GPRC6A: variants seen among roughly 807,000 people sequenced by gnomAD.
GPRC6A encodes the protein G protein-coupled receptor family C group 6 member A.
A neutral mutation model predicts 47.0 loss-of-function variants in GPRC6A; 54 were observed. The observed-to-expected ratio is 1.15, with a 90% CI of 0.92 to 1.44. The LOEUF is 1.44. Ranked by LOEUF, GPRC6A falls within the 40% of genes most tolerant of loss-of-function variation. The probability of loss-of-function intolerance (pLI) is 0.00; values close to 1 mark genes in which losing one functional copy is unlikely to be tolerated. For synonymous variants in GPRC6A, 347 were observed against 377.1 expected, an observed-to-expected ratio of 0.92 and a Z score of 0.93; for missense variants, 1,112 against 1,105.5, an observed-to-expected ratio of 1.01 and a Z score of -0.08.
intron 1 of GPRC6A, among the ~76,000 whole-genome samples, chr6:116,816,361 A>T (rs1313881584): frequency 1.3e-5 from 2 of 152,234 alleles, no homozygotes; most frequent in East Asian, 3.8e-4. Context: ...GGCCCATGTA[A>T]ATCCCAAACC....
chr6:116,806,939 C>G lies in GPRC6A; in HGVS notation c.766G>C (p.Val256Leu), dbSNP rs1476675206. The change falls in exon 3 of 6, where the codon GTC becomes CTC. Residue 256 changes from valine to leucine, a missense_variant. Transcript: ENST00000310357. ...TTCTTCAGTGTCCGATTGATTCTGA[C>G]TTCAATGGTATTATCTGAAAGAAAG... Reference protein sequence around the residue: ...PAFLSDNTIEVRINRTLKKII... With the variant: ...PAFLSDNTIELRINRTLKKII... The G allele has an allele frequency of 7.4e-6, 12 of 1,613,468 alleles. No homozygotes were observed. Among genetic ancestry groups the G allele is most frequent in the Non-Finnish European group, 1.0e-5 (12 of 1,179,722 alleles).
At chr6:116,803,253 C>T (rs1772732844) in intron 3 of GPRC6A, among the ~76,000 whole-genome samples, 1 of 152,054 alleles carries the variant, frequency 6.6e-6, no homozygotes, top group African/African-American at 2.4e-5. Flanking sequence ...TCCTTATTTT[C>T]ATACCTGTAG....
chr6:116,827,989 A>T (rs1048293965), intron 1 of GPRC6A, among the ~76,000 whole-genome samples: 1 of 152,142 alleles, frequency 6.6e-6, no homozygotes, highest in Non-Finnish European at 1.5e-5. Flanking sequence ...TTAGAGTTGG[A>T]AGGAAGCATG....
chr6:116,815,330 A>C (rs1219889428), intron 1 of GPRC6A, among the ~76,000 whole-genome samples: 1 of 152,154 alleles, frequency 6.6e-6, no homozygotes, highest in Admixed American at 6.5e-5. Flanking sequence ...TAAAAATACA[A>C]AAATTAGCTA....
chr6:116,793,253 A>G lies in GPRC6A; in HGVS notation c.1673-3T>C, dbSNP rs764614071. On this transcript the variant is annotated splice_region_variant and splice_polypyrimidine_tract_variant and intron_variant, in intron 5 of 5. Transcript: ENST00000310357. ...GCATAAAAGGCAGTGAGGCATATCT[A>G]AAAGACAGAGGAGACGCAGTTACAT... is the stretch of plus-strand genomic sequence containing the variant. The G allele has an allele frequency of 9.5e-6, 15 of 1,575,194 alleles. No homozygotes were observed. The East Asian group carries it at 2.2e-4, about 24-fold the overall frequency.
chr6:116,817,845 G>C (rs1446984970), intron 1 of GPRC6A, among the ~76,000 whole-genome samples: 2 of 152,220 alleles, frequency 1.3e-5, no homozygotes, highest in South Asian at 2.1e-4. Flanking sequence ...AGAATAAAAA[G>C]AAATGAGCAA....
intron 1 of GPRC6A, among the ~76,000 whole-genome samples, chr6:116,828,427 A>C (rs73559574): frequency 0.028 from 4,282 of 152,218 alleles, 156 homozygotes; most frequent in African/African-American, 0.086. Context: ...ACTATAGTCT[A>C]TTTTAAACAA....
chr6:116,808,303 C>T (rs1772917377), intron 2 of GPRC6A, among the ~76,000 whole-genome samples: 1 of 152,184 alleles, frequency 6.6e-6, no homozygotes, highest in African/African-American at 2.4e-5. Context: ...GTCCCCTTAC[C>T]TTTTCTGCCG....
rs764149033 is a variant in GPRC6A, at chr6:116,809,618, C to T, written c.195-1G>A. 8.7e-6 allele frequency: 14 copies of T among 1,600,470 alleles called. No homozygotes were observed. The African/African-American group carries it at 1.9e-4, about 21-fold the overall frequency. ...TTGAAGAAAAACTGATATTTCAAAG[C>T]TGTTGGGAAACAAGTATTTTTTGAA... On this transcript the variant is annotated splice_acceptor_variant, in intron 1 of 5. Coordinates refer to ENST00000310357, the MANE Select transcript of GPRC6A (RefSeq NM_148963.4). LOFTEE classifies it high-confidence loss of function.
At chr6:116,820,835 C>T (rs1004146920) in intron 1 of GPRC6A, among the ~76,000 whole-genome samples, 28 of 150,794 alleles carry the variant, frequency 1.9e-4, no homozygotes, top group African/African-American at 5.1e-4. Flanking sequence ...TCCTATTCAA[C>T]GTAGTGTTGG....
chr6:116,817,589 T>C (rs538822476), intron 1 of GPRC6A, among the ~76,000 whole-genome samples: 25 of 152,288 alleles, frequency 1.6e-4, no homozygotes, highest in Admixed American at 2.6e-4. Context: ...CTCTGAGCTA[T>C]GGGAGGACAT....
intron 4 of GPRC6A, among the ~76,000 whole-genome samples, chr6:116,796,668 C>T (rs1772497238): frequency 6.6e-6 from 1 of 152,152 alleles, no homozygotes; most frequent in Admixed American, 6.5e-5. Context: ...GCTATCCAGT[C>T]TTTCTCTGGA....
chr6:116,823,938 G>T (rs530775287), intron 1 of GPRC6A, among the ~76,000 whole-genome samples: 1 of 152,030 alleles, frequency 6.6e-6, no homozygotes, highest in African/African-American at 2.4e-5. Context: ...GCACTAGGGG[G>T]ATGGTGCTAA....
At position 116,795,767 on chromosome 6, in the gene GPRC6A, G is replaced by A. The variant is rs1417349311; in HGVS notation, c.1617C>T (p.His539=). 5 of 1,609,120 alleles carry A rather than the reference G, an allele frequency of 3.1e-6. No homozygotes were observed. Among genetic ancestry groups the A allele is most frequent in the East Asian group, 4.5e-5 (2 of 44,760 alleles). The change falls in exon 5 of 6, where the codon CAC becomes CAT. Residue 539 remains histidine, a synonymous_variant. Transcript: ENST00000310357. ...GQMKKTTRSQ[H]ICCYECQNCP... ...AGTTCTGACATTCATAGCAACAGAT[G>A]TGTTGACTTCTTGTAGTTTTCTTCA...
At chr6:116,816,583 C>CGACGCAGAA (rs1773215343) in intron 1 of GPRC6A, among the ~76,000 whole-genome samples, 1 of 151,886 alleles carries the variant, frequency 6.6e-6, no homozygotes, top group Non-Finnish European at 1.5e-5. Flanking sequence ...CCAGCATGAG[C>CGACGCAGAA]GACGCAGAAG....
At chr6:116,803,492 A>T (rs1011463963) in intron 3 of GPRC6A, among the ~76,000 whole-genome samples, 3 of 152,120 alleles carry the variant, frequency 2.0e-5, no homozygotes, top group Admixed American at 6.6e-5. Flanking sequence ...CATCTGGGAC[A>T]TTGTTAAAAA....
chr6:116,816,442 A>G lies in GPRC6A; in HGVS notation c.195-6825T>C, dbSNP rs1239213503. On this transcript the variant is annotated intron_variant, in intron 1 of 5. Coordinates refer to ENST00000310357, the MANE Select transcript of GPRC6A (RefSeq NM_148963.4). ...TAACTCCATGTCTGACACCCAGGGG[A>G]TGCTGGTACAAGCTGAAGCTGAAGT... is the stretch of plus-strand genomic sequence containing the variant. Among the ~76,000 whole-genome samples, 13 of 152,282 alleles carry G rather than the reference A, an allele frequency of 8.5e-5. No individual in the cohort carries two copies. In the East Asian group the frequency reaches 2.5e-3, roughly 29 times the overall value.
At chr6:116,807,287 T>C in intron 2 of GPRC6A, 81 bp from the exon 3 acceptor site, 1 of 794,510 alleles carries the variant, frequency 1.3e-6, no homozygotes, top group Non-Finnish European at 2.0e-6. Flanking sequence ...TTTCTTTGAT[T>C]GCTGTAAATT....
At chr6:116,806,341 G>T in intron 3 of GPRC6A, 29 bp downstream of exon 3, 13 of 1,382,356 alleles carry the variant, frequency 9.4e-6, no homozygotes, top group Non-Finnish European at 1.3e-5. Context: ...GATGGTAGAA[G>T]AGTTTTTCTT....
Sources: gnomAD v4.1 joint callset for allele counts (sites outside exome capture counted in the v4.1 genomes callset) on GRCh38, gnomAD v4.1.1 for gene constraint, MANE v1.5 for transcripts, NCBI Gene and HGNC (gene_info 2026-07-23, HGNC 2026-07-21) for gene names.